Variants in AR observed in about 807,000 individuals in gnomAD.
AR encodes androgen receptor, also known as dihydrotestosterone receptor.
AR carries 8 observed loss-of-function variants against 53.9 expected under a neutral mutation model. That is an observed-to-expected ratio of 0.15 (90% CI 0.09 to 0.27). The LOEUF (loss-of-function observed/expected upper bound fraction) is 0.27. AR is among the 10% of genes least tolerant of loss of function. The pLI is 1.00. For missense variants in AR, 639 were observed against 742.5 expected, an observed-to-expected ratio of 0.86 and a Z score of 1.62; for synonymous variants, 359 against 316.4, an observed-to-expected ratio of 1.13 and a Z score of -1.43.
In AR at chrX:67,545,224, G is replaced by A; in HGVS notation, c.78G>A (p.Leu26=). ...SKTYRGAFQN[L]FQSVREVIQN... is the part of the protein sequence containing the mutation. Reference sequence around the variant, plus strand: ...CCTACCGAGGAGCTTTCCAGAATCTGTTCCAGAGCGTGCGCGAAGTGATCC... The same window carrying A: ...CCTACCGAGGAGCTTTCCAGAATCTATTCCAGAGCGTGCGCGAAGTGATCC... The change falls in exon 1 of 8, where the codon CTG becomes CTA. Residue 26 remains leucine, a synonymous_variant. Coordinates refer to ENST00000374690, the MANE Select transcript of AR (RefSeq NM_000044.6). The A allele has an allele frequency of 8.3e-7, 1 of 1,210,596 alleles. No individual in the cohort carries two copies. Among genetic ancestry groups the A allele is most frequent in the Non-Finnish European group, 1.1e-6 (1 of 895,289 alleles).
At chrX:67,592,748 C>T (rs1302867293) in intron 1 of AR, among the ~76,000 whole-genome samples, 1 of 106,759 alleles carries the variant, frequency 9.4e-6, no homozygotes, top group Non-Finnish European at 1.9e-5. Flanking sequence ...TTGTGATATT[C>T]TTTTCACTGT....
intron 2 of AR, among the ~76,000 whole-genome samples, chrX:67,678,410 C>A (rs2075913300): frequency 8.9e-6 from 1 of 112,012 alleles, no homozygotes; most frequent in African/African-American, 3.2e-5. Flanking sequence ...TCTTTCTATG[C>A]CTGGCTTATT....
intron 1 of AR, among the ~76,000 whole-genome samples, chrX:67,599,691 T>G (rs1297769074): frequency 8.9e-6 from 1 of 112,245 alleles, no homozygotes; most frequent in African/African-American, 3.2e-5. Flanking sequence ...AGAGTAAATT[T>G]TTACTGCTTA....
At chrX:67,655,093 T>C (rs1192009714) in intron 2 of AR, among the ~76,000 whole-genome samples, 1 of 108,562 alleles carries the variant, frequency 9.2e-6, no homozygotes, top group Non-Finnish European at 1.9e-5. Flanking sequence ...TCTGATTCTT[T>C]TAAAAGCAGC....
At chrX:67,676,004 A>T (rs1411368819) in intron 2 of AR, among the ~76,000 whole-genome samples, 2 of 112,115 alleles carry the variant, frequency 1.8e-5, no homozygotes, top group Non-Finnish European at 3.8e-5. Flanking sequence ...TGTAAGCCTC[A>T]GTTGCTTCAT....
chrX:67,699,212 G>A (rs1043379529), intron 3 of AR, among the ~76,000 whole-genome samples: 2 of 112,435 alleles, frequency 1.8e-5, no homozygotes, highest in South Asian at 3.7e-4. Flanking sequence ...GGCACAGCAT[G>A]GCTAGATTCT....
chrX:67,697,840 G>A (rs1043655747), intron 3 of AR, among the ~76,000 whole-genome samples: 4 of 111,466 alleles, frequency 3.6e-5, no homozygotes, highest in African/African-American at 6.5e-5. Context: ...TATGTGAAAA[G>A]CATTTTAGAA....
intron 2 of AR, among the ~76,000 whole-genome samples, chrX:67,667,384 C>G (rs1927321380): frequency 9.0e-6 from 1 of 110,999 alleles, no homozygotes. Context: ...GGACTTGTTT[C>G]TGGGTTCTCT....
intron 1 of AR, among the ~76,000 whole-genome samples, chrX:67,604,200 G>GTGTC (rs1923517136): frequency 1.8e-5 from 1 of 56,259 alleles, no homozygotes; most frequent in Non-Finnish European, 3.1e-5. Context: ...GGAGAAATAT[G>GTGTC]TGTGTGTGTG....
At chrX:67,664,375 G>GACCCT (rs1423659117) in intron 2 of AR, among the ~76,000 whole-genome samples, 33 of 112,149 alleles carry the variant, frequency 2.9e-4, no homozygotes, top group Admixed American at 6.6e-4. Flanking sequence ...GTTTGCTGCA[G>GACCCT]GTCCACTCCA....
At chrX:67,582,647 C>G (rs1231421626) in intron 1 of AR, among the ~76,000 whole-genome samples, 1 of 111,657 alleles carries the variant, frequency 9.0e-6, no homozygotes, top group Non-Finnish European at 1.9e-5. Context: ...TGAGTCTGCT[C>G]CAAAATTGCC....
chrX:67,614,180 T>C (rs756028612), intron 1 of AR, among the ~76,000 whole-genome samples: 1 of 111,352 alleles, frequency 9.0e-6, no homozygotes, highest in Non-Finnish European at 1.9e-5. Context: ...ATTTAGGCCA[T>C]CGTGGTTTAA....
intron 3 of AR, among the ~76,000 whole-genome samples, chrX:67,701,627 G>T (rs1241214474): frequency 9.0e-6 from 1 of 110,852 alleles, no homozygotes; most frequent in Non-Finnish European, 1.9e-5. Context: ...GCACAAGCAT[G>T]GGAAGGCAGT....
chrX:67,704,962 G>A (rs905453396), intron 3 of AR, among the ~76,000 whole-genome samples: 35 of 111,648 alleles, frequency 3.1e-4, no homozygotes, highest in Admixed American at 2.0e-3. Flanking sequence ...TTGTAGATAC[G>A]CAGCATTATT....
rs2076161474 is a variant in AR, at chrX:67,727,257, T to A, written c.*3416T>A. 1 of 167,095 alleles carries A rather than the reference T, an allele frequency of 6.0e-6. No homozygotes were observed. The highest frequency in any genetic ancestry group is 3.0e-5 in the African/African-American group (1 of 33,643). 13.8% of individuals were successfully genotyped at this position (167,095 alleles called of 1,213,427 possible). ...GAGAAAGGGATATTTTGAAGGACTG[T>A]CATATATCTTTGAAAAAAGAAAATC... On this transcript the variant is annotated 3_prime_UTR_variant, in exon 8 of 8. Coordinates refer to ENST00000374690, the MANE Select transcript of AR (RefSeq NM_000044.6).
chrX:67,675,829 G>A (rs976982409), intron 2 of AR, among the ~76,000 whole-genome samples: 5 of 111,376 alleles, frequency 4.5e-5, no homozygotes, highest in South Asian at 3.8e-4. Context: ...GCCTGCAAGC[G>A]GGGATGGGGG....
chrX:67,723,676 T>C lies in AR; in HGVS notation c.2608-10T>C. 2 of 1,210,060 alleles carry C rather than the reference T, an allele frequency of 1.7e-6. No individual in the cohort carries two copies. Among genetic ancestry groups the C allele is most frequent in the South Asian group, 3.5e-5 (2 of 56,861 alleles). On this transcript the variant is annotated splice_polypyrimidine_tract_variant and intron_variant, in intron 7 of 7. Coordinates refer to ENST00000374690, the MANE Select transcript of AR (RefSeq NM_000044.6). ...AACCCTGTTTTTCTCCCTCTTATTG[T>C]TCCCTACAGATTGCGAGAGAGCTGC...
chrX:67,671,182 T>A (rs956799456), intron 2 of AR, among the ~76,000 whole-genome samples: 6 of 112,202 alleles, frequency 5.3e-5, no homozygotes, highest in African/African-American at 1.6e-4. Flanking sequence ...TGCCACACTG[T>A]CTTCCACAAT....
At chrX:67,554,635 A>AT (rs1429134418) in intron 1 of AR, among the ~76,000 whole-genome samples, 3 of 111,571 alleles carry the variant, frequency 2.7e-5, no homozygotes, top group Admixed American at 9.5e-5. Context: ...TAATAAAGGG[A>AT]TTTTTTAAAA....
Sources: gnomAD v4.1 joint callset for allele counts (sites outside exome capture counted in the v4.1 genomes callset) on GRCh38, gnomAD v4.1.1 for gene constraint, MANE v1.5 for transcripts, NCBI Gene and HGNC (gene_info 2026-07-23, HGNC 2026-07-21) for gene names.